PREX1: variants seen among roughly 807,000 people sequenced by gnomAD.
PREX1 encodes phosphatidylinositol-3,4,5-trisphosphate dependent Rac exchange factor 1.
Under a neutral mutation model 198.3 loss-of-function variants are expected in PREX1, and 41 were observed. The observed-to-expected ratio is 0.21, with a 90% CI of 0.16 to 0.27. PREX1 has a LOEUF of 0.27. PREX1 is among the 10% of genes least tolerant of loss of function. The pLI, the probability that PREX1 is intolerant of heterozygous loss-of-function variation, is 1.00. For synonymous variants in PREX1, 843 were observed against 887.2 expected (o/e 0.95, Z 0.89); for missense variants, 1,620 against 2,200.7 (o/e 0.74, Z 5.28).
intron 5 of PREX1, among the ~76,000 whole-genome samples, chr20:48,720,917 C>T (rs1339528835): frequency 2.0e-5 from 3 of 152,100 alleles, no homozygotes; most frequent in African/African-American, 7.2e-5. Context: ...CACCAGCGGC[C>T]GTGCACAGAC....
intron 1 of PREX1, among the ~76,000 whole-genome samples, chr20:48,813,706 G>GT (rs1172135335): frequency 5.3e-5 from 8 of 152,154 alleles, no homozygotes; most frequent in Non-Finnish European, 1.0e-4. Flanking sequence ...CAAATAAAAA[G>GT]TTACCAAAAA....
At chr20:48,732,523 G>A (rs1012535513) in intron 4 of PREX1, among the ~76,000 whole-genome samples, 17 of 152,140 alleles carry the variant, frequency 1.1e-4, no homozygotes, top group African/African-American at 3.9e-4. Context: ...GTCTGTGACC[G>A]AATGAGAAGG....
chr20:48,848,846 C>A, the PREX1 span, among the ~76,000 whole-genome samples: 2 of 152,200 alleles, frequency 1.3e-5, no homozygotes, highest in Non-Finnish European at 2.9e-5. Flanking sequence ...AAGGAATTCT[C>A]CTGCCTCACC....
chr20:48,656,968 G>A, intron 18 of PREX1, 72 bp downstream of exon 18: 1 of 1,505,182 alleles, frequency 6.6e-7, no homozygotes, highest in Non-Finnish European at 8.9e-7. Flanking sequence ...GACAGTTCAT[G>A]CCACCCCAGC....
intron 7 of PREX1, among the ~76,000 whole-genome samples, 186 bp from the exon 8 acceptor site, chr20:48,692,976 G>A: frequency 6.6e-6 from 1 of 152,166 alleles, no homozygotes; most frequent in South Asian, 2.1e-4. Context: ...TTCTCTTCCA[G>A]CCACAGCTTT....
chr20:48,711,197 C>G lies in PREX1; in HGVS notation c.622-2776G>C, dbSNP rs566991391. ...TCATTCACTCCATGCATGCATGTAT[C>G]CACTCAGCCAGGCTCCAGTGTACCT... On this transcript the variant is annotated intron_variant, in intron 5 of 39. Coordinates refer to ENST00000371941, the MANE Select transcript of PREX1 (RefSeq NM_020820.4). 2.6e-5 allele frequency among the ~76,000 whole-genome samples: 4 copies of G among 152,304 alleles called. No individual in the cohort carries two copies. The South Asian group carries it at 8.3e-4, about 32-fold the overall frequency.
At chr20:48,671,768 C>T (rs1429262686) in intron 14 of PREX1, among the ~76,000 whole-genome samples, 1 of 152,158 alleles carries the variant, frequency 6.6e-6, no homozygotes, top group African/African-American at 2.4e-5. Context: ...ACACCCTCCT[C>T]CCCTTTCCCT....
chr20:48,861,330 C>G, the PREX1 span, among the ~76,000 whole-genome samples: 48,519 of 152,088 alleles, frequency 0.32, 7,992 homozygotes, highest in African/African-American at 0.38. Flanking sequence ...CTGGACTTCG[C>G]AAGTTGTCCA....
intron 35 of PREX1, 79 bp from the exon 36 acceptor site, chr20:48,630,873 C>A: frequency 1.8e-6 from 2 of 1,114,406 alleles, no homozygotes; most frequent in South Asian, 1.3e-5. Flanking sequence ...TCAACTCCTG[C>A]AGCCACCGTG....
the PREX1 span, among the ~76,000 whole-genome samples, chr20:48,868,059 T>A: frequency 6.6e-6 from 1 of 152,112 alleles, no homozygotes; most frequent in Non-Finnish European, 1.5e-5. Context: ...ATTCTCACTG[T>A]CATGCAACAA....
At chr20:48,689,915 A>C (rs2089808310) in intron 9 of PREX1, among the ~76,000 whole-genome samples, 4 of 152,172 alleles carry the variant, frequency 2.6e-5, no homozygotes, top group African/African-American at 9.7e-5. Context: ...AGAAGAGAGG[A>C]GAAGCGGATG....
chr20:48,872,275 GT>G, the PREX1 span, among the ~76,000 whole-genome samples: 3 of 151,808 alleles, frequency 2.0e-5, no homozygotes, highest in Admixed American at 6.6e-5. Context: ...CCATGTTGTG[GT>G]TTTTTTTCAC....
the PREX1 span, among the ~76,000 whole-genome samples, chr20:48,858,652 C>T: frequency 8.7e-4 from 133 of 152,316 alleles, no homozygotes; most frequent in Non-Finnish European, 1.3e-3. Flanking sequence ...TAAGAGGTGA[C>T]AGACAGGATC....
intron 14 of PREX1, among the ~76,000 whole-genome samples, chr20:48,670,697 G>T (rs2089669611): frequency 6.6e-6 from 1 of 152,178 alleles, no homozygotes; most frequent in Non-Finnish European, 1.5e-5. Flanking sequence ...TTCATTCTCA[G>T]ATTTGCCCTT....
At chr20:48,722,449 G>A (rs2089990490) in intron 5 of PREX1, among the ~76,000 whole-genome samples, 1 of 152,216 alleles carries the variant, frequency 6.6e-6, no homozygotes. Context: ...GGCAGGGGCT[G>A]GAGGAGGGGA....
chr20:48,647,542 G>C (rs1013605790), intron 25 of PREX1, among the ~76,000 whole-genome samples: 1 of 110,026 alleles, frequency 9.1e-6, no homozygotes, highest in African/African-American at 4.1e-5. Context: ...AAAAAAAAAA[G>C]AACAGTGTCT....
chr20:48,653,312 C>T, intron 20 of PREX1, 49 bp downstream of exon 20: 2 of 1,596,042 alleles, frequency 1.3e-6, no homozygotes, highest in Non-Finnish European at 1.7e-6. Flanking sequence ...AGCCACCCAC[C>T]CCCACTCAGC....
rs566165895 is a variant in PREX1 at position 48,671,937 on chromosome 20, C to G, written c.1665+4256G>C. 2.0e-5 allele frequency among the ~76,000 whole-genome samples: 3 copies of G among 152,328 alleles called. No homozygotes were observed. The South Asian group carries it at 6.2e-4, about 32-fold the overall frequency. ...TGCATGGTCGGCTACAGCCTTTGCT[C>G]GACATCCTCCCCGTCTCCACTTGCA... On this transcript the variant is annotated intron_variant, in intron 14 of 39. Transcript: ENST00000371941.
At chr20:48,687,740 A>C (rs549750834) in intron 10 of PREX1, among the ~76,000 whole-genome samples, 3 of 151,980 alleles carry the variant, frequency 2.0e-5, no homozygotes, top group Admixed American at 2.0e-4. Flanking sequence ...AAACAGCCTG[A>C]CCATTTTACA....
Sources: allele counts gnomAD v4.1 joint callset (sites outside exome capture counted in the v4.1 genomes callset), GRCh38; gene constraint gnomAD v4.1.1; transcripts MANE v1.5; gene names NCBI Gene and HGNC (gene_info 2026-07-23, HGNC 2026-07-21).